ERC1: variants seen among roughly 807,000 people sequenced by gnomAD.
ERC1 encodes the protein ELKS/RAB6-interacting/CAST family member 1.
A neutral mutation model predicts 132.0 loss-of-function variants in ERC1; 56 were observed. The observed-to-expected ratio is 0.42, with a 90% CI of 0.34 to 0.53. The LOEUF (loss-of-function observed/expected upper bound fraction) is 0.53, where lower values mean the gene tolerates loss of function less well. Among genes scored for constraint, ERC1 ranks in the 20% least tolerant of loss-of-function variants. The pLI is 0.03. For missense variants in ERC1, 1,202 were observed against 1,349.9 expected (o/e 0.89, Z 1.72); for synonymous variants, 478 against 476.1 (o/e 1.00, Z -0.05).
chr12:1,484,434 TACA>T (rs1169550004), intron 18 of ERC1, among the ~76,000 whole-genome samples: 1 of 152,226 alleles, frequency 6.6e-6, no homozygotes, highest in Non-Finnish European at 1.5e-5. Context: ...AAAGGACATA[TACA>T]ATTAAATTTG....
At chr12:1,436,969 C>CAT (rs1409647481) in intron 17 of ERC1, among the ~76,000 whole-genome samples, 11 of 149,488 alleles carry the variant, frequency 7.4e-5, no homozygotes, top group Non-Finnish European at 1.6e-4. Flanking sequence ...GGAAGCCATT[C>CAT]AGATATATAT....
chr12:1,379,096 G>A (rs1327143192), intron 16 of ERC1, among the ~76,000 whole-genome samples: 5 of 152,272 alleles, frequency 3.3e-5, no homozygotes, highest in South Asian at 4.1e-4. Context: ...TTAGATTTAT[G>A]CTGTATTTGT....
At chr12:1,048,609 A>G (rs1367811757) in intron 2 of ERC1, among the ~76,000 whole-genome samples, 1 of 152,178 alleles carries the variant, frequency 6.6e-6, no homozygotes, top group Non-Finnish European at 1.5e-5. Flanking sequence ...AAAATTAAAC[A>G]TTATTTCTCT....
At chr12:1,343,291 T>C (rs908541891) in intron 15 of ERC1, among the ~76,000 whole-genome samples, 2 of 152,216 alleles carry the variant, frequency 1.3e-5, no homozygotes, top group African/African-American at 4.8e-5. Context: ...CAACTAGTAT[T>C]TTCCCCCCTT....
At chr12:1,124,591 CA>C (rs1947938393) in intron 7 of ERC1, among the ~76,000 whole-genome samples, 1 of 114,522 alleles carries the variant, frequency 8.7e-6, no homozygotes, top group Non-Finnish European at 1.8e-5. Flanking sequence ...TCTAGGTGTT[CA>C]AATCAGGAAA....
chr12:1,397,600 C>T lies in ERC1; in HGVS notation c.2926-10549C>T, dbSNP rs180768875. 1.2e-4 allele frequency among the ~76,000 whole-genome samples: 19 copies of T among 152,164 alleles called. 1 individual carries two copies. The East Asian group carries it at 2.5e-3, about 20-fold the overall frequency. ...ACTTTTTATGTAAGAAAAGGGGGAACATGTGCAATTATATGAGTATATGAT... is the reference window on the plus strand; with the variant it reads ...ACTTTTTATGTAAGAAAAGGGGGAATATGTGCAATTATATGAGTATATGAT... On this transcript the variant is annotated intron_variant, in intron 16 of 18. Coordinates refer to ENST00000360905, the MANE Select transcript of ERC1 (RefSeq NM_178040.4).
intron 16 of ERC1, among the ~76,000 whole-genome samples, chr12:1,407,780 C>T (rs932837949): frequency 6.6e-5 from 10 of 152,190 alleles, no homozygotes; most frequent in Non-Finnish European, 1.0e-4. Flanking sequence ...ACTGGATCCT[C>T]ATATGACAGA....
chr12:1,445,320 C>T (rs772462263), intron 18 of ERC1, among the ~76,000 whole-genome samples: 2 of 150,588 alleles, frequency 1.3e-5, no homozygotes, highest in African/African-American at 2.4e-5. Context: ...ACTTCCACCT[C>T]CCAGGTTCAA....
At chr12:1,132,400 A>G (rs540388709) in intron 7 of ERC1, among the ~76,000 whole-genome samples, 2 of 152,284 alleles carry the variant, frequency 1.3e-5, no homozygotes, top group African/African-American at 2.4e-5. Context: ...AAAGGTTTGT[A>G]TGTTTATAAC....
At chr12:1,117,163 CAT>C (rs1946544818) in intron 7 of ERC1, among the ~76,000 whole-genome samples, 1 of 151,888 alleles carries the variant, frequency 6.6e-6, no homozygotes, top group African/African-American at 2.4e-5. Context: ...AAACATAAAG[CAT>C]ATGATGTAGA....
intron 1 of ERC1, among the ~76,000 whole-genome samples, chr12:1,024,146 T>G (rs1966752258): frequency 6.6e-6 from 1 of 152,198 alleles, no homozygotes; most frequent in African/African-American, 2.4e-5. Context: ...TTTGGGAGGC[T>G]GAGGCAGGCG....
At chr12:1,293,822 G>A (rs1307442260) in intron 15 of ERC1, among the ~76,000 whole-genome samples, 1 of 152,048 alleles carries the variant, frequency 6.6e-6, no homozygotes, top group African/African-American at 2.4e-5. Context: ...TCTTCACAAA[G>A]CCATATTTAT....
rs1421614270 is a variant in ERC1, at chr12:1,440,626, G to T, written c.3025-3936G>T. ...TGTGTGTGTGTGTGTGTGTGTGTGT[G>T]TGTGTGTGTGTGTGTGTGTGTGTGT... On this transcript the variant is annotated intron_variant, in intron 17 of 18. Coordinates refer to ENST00000360905, the MANE Select transcript of ERC1 (RefSeq NM_178040.4). Among the ~76,000 whole-genome samples the T allele has an allele frequency of 2.7e-3, 301 of 111,066 alleles. 33 individuals carry two copies. Among genetic ancestry groups the T allele is most frequent in the African/African-American group, 0.014 (288 of 20,688 alleles). 72.9% of individuals were successfully genotyped at this position (111,066 alleles called of 152,430 possible).
intron 8 of ERC1, among the ~76,000 whole-genome samples, chr12:1,170,349 T>A (rs2968872): frequency 0.02 from 3,021 of 152,268 alleles, 89 homozygotes; most frequent in African/African-American, 0.069. Context: ...TTTTAAAAAA[T>A]TAAGCCTCTT....
At chr12:1,442,134 G>A (rs2093172807) in intron 17 of ERC1, among the ~76,000 whole-genome samples, 1 of 152,078 alleles carries the variant, frequency 6.6e-6, no homozygotes, top group Non-Finnish European at 1.5e-5. Flanking sequence ...CACCATGTTG[G>A]CCAGGCTGCT....
chr12:1,397,360 A>T (rs952016317), intron 16 of ERC1, among the ~76,000 whole-genome samples: 3 of 152,216 alleles, frequency 2.0e-5, no homozygotes, highest in African/African-American at 7.2e-5. Context: ...ATACACAAGG[A>T]AATTCATTGC....
intron 18 of ERC1, among the ~76,000 whole-genome samples, chr12:1,487,541 A>AAAAAAAAAAAAG (rs1312654989): frequency 1.1e-4 from 17 of 150,760 alleles, no homozygotes; most frequent in African/African-American, 1.9e-4. Flanking sequence ...CGCACCTCTA[A>AAAAAAAAAAAAG]AAAAGAAAAA....
intron 8 of ERC1, among the ~76,000 whole-genome samples, chr12:1,155,014 TA>T (rs1951233874): frequency 6.6e-6 from 1 of 152,162 alleles, no homozygotes; most frequent in Admixed American, 6.5e-5. Flanking sequence ...TTCAAAGAAC[TA>T]AAAGTACATT....
At chr12:1,135,713 C>G (rs914320343) in intron 7 of ERC1, among the ~76,000 whole-genome samples, 5 of 152,138 alleles carry the variant, frequency 3.3e-5, no homozygotes, top group Non-Finnish European at 7.3e-5. Flanking sequence ...GTCTACAAGA[C>G]GAGGAGCCAG....
Sources: gnomAD v4.1 joint callset for allele counts (sites outside exome capture counted in the v4.1 genomes callset) on GRCh38, gnomAD v4.1.1 for gene constraint, MANE v1.5 for transcripts, NCBI Gene and HGNC (gene_info 2026-07-23, HGNC 2026-07-21) for gene names.